PRKCI: variants seen among roughly 807,000 people sequenced by gnomAD.
The protein encoded by PRKCI is protein kinase C iota type.
PRKCI carries 43 observed loss-of-function variants against 84.0 expected under a neutral mutation model. That is an observed-to-expected ratio of 0.51 (90% CI 0.40 to 0.66). PRKCI has a LOEUF of 0.66. Among genes scored for constraint, PRKCI ranks in the 30% least tolerant of loss-of-function variants. The pLI is 0.00. For missense variants in PRKCI, 459 were observed against 745.6 expected (o/e 0.62, Z 4.48); for synonymous variants, 216 against 234.4 (o/e 0.92, Z 0.72).
At chr3:170,257,382 G>A (rs1733609851) in intron 2 of PRKCI, among the ~76,000 whole-genome samples, 1 of 152,196 alleles carries the variant, frequency 6.6e-6, no homozygotes, top group Non-Finnish European at 1.5e-5. Context: ...TTTTGGTGGA[G>A]TGTTTGGGCT....
intron 13 of PRKCI, 112 bp downstream of exon 13, chr3:170,292,053 A>C (rs1734565912): frequency 1.3e-6 from 1 of 774,020 alleles, no homozygotes; most frequent in African/African-American, 1.7e-5. Flanking sequence ...TATTAATATA[A>C]GGATTCTTGA....
intron 8 of PRKCI, among the ~76,000 whole-genome samples, chr3:170,275,789 C>G (rs905558101): frequency 6.6e-6 from 1 of 152,202 alleles, no homozygotes; most frequent in East Asian, 1.9e-4. Flanking sequence ...ACCTTCCACT[C>G]CCAGTTTGGC....
At chr3:170,285,563 T>A (rs150939731) in intron 12 of PRKCI, among the ~76,000 whole-genome samples, 1 of 152,246 alleles carries the variant, frequency 6.6e-6, no homozygotes, top group Non-Finnish European at 1.5e-5. Context: ...GGGAAGTGCC[T>A]CCAGAGCCTG....
At chr3:170,262,748 A>G (rs111811841) in intron 3 of PRKCI, among the ~76,000 whole-genome samples, 12,322 of 151,664 alleles carry the variant, frequency 0.081, 1,201 homozygotes, top group African/African-American at 0.23. Flanking sequence ...CAGAGTGCTG[A>G]GATTAGAGGC....
In PRKCI at chr3:170,284,449, A is replaced by T. The variant is rs1353008657; in HGVS notation, c.1068-12A>T. On this transcript the variant is annotated splice_polypyrimidine_tract_variant and intron_variant, in intron 11 of 17. Transcript: ENST00000295797. ...GGTTGAATCAAATGACTTATTTTTTATTTAATTTTAGATTTTACTCTGCAG... is the reference window on the plus strand; with the variant it reads ...GGTTGAATCAAATGACTTATTTTTTTTTTAATTTTAGATTTTACTCTGCAG... 1.3e-6 allele frequency: 2 copies of T among 1,536,396 alleles called. No homozygotes were observed. The highest frequency in any genetic ancestry group is 2.4e-4 in the Middle Eastern group (1 of 4,250).
At chr3:170,291,708 A>G in intron 12 of PRKCI, 146 bp from the exon 13 acceptor site, 1 of 616,212 alleles carries the variant, frequency 1.6e-6, no homozygotes, top group South Asian at 2.0e-5. Context: ...AATAATAATA[A>G]TAATAAAGGC....
intron 12 of PRKCI, among the ~76,000 whole-genome samples, chr3:170,288,780 A>C (rs1422727238): frequency 6.6e-6 from 1 of 152,236 alleles, no homozygotes; most frequent in Non-Finnish European, 1.5e-5. Flanking sequence ...ATAAAATAAA[A>C]TAAAAAATAA....
At chr3:170,293,258 A>G (rs1251936401) in intron 13 of PRKCI, 125 bp from the exon 14 acceptor site, 10 of 797,538 alleles carry the variant, frequency 1.3e-5, no homozygotes, top group East Asian at 8.4e-5. Flanking sequence ...CTACCATGAT[A>G]GTTGGAATGC....
intron 12 of PRKCI, among the ~76,000 whole-genome samples, chr3:170,287,908 CAAAAAAAA>C (rs750366555): frequency 5.9e-5 from 3 of 50,548 alleles, no homozygotes; most frequent in Middle Eastern, 9.3e-3. Context: ...GACTCTGTCT[CAAAAAAAA>C]AAAAAAAAAA....
intron 2 of PRKCI, among the ~76,000 whole-genome samples, chr3:170,242,790 C>T (rs1447567558): frequency 6.6e-6 from 1 of 151,978 alleles, no homozygotes; most frequent in Non-Finnish European, 1.5e-5. Flanking sequence ...CCTGCCTCAA[C>T]CTCCCGAGTA....
At chr3:170,291,697 A>T (rs749931879) in intron 12 of PRKCI, 157 bp from the exon 13 acceptor site, 21 of 589,116 alleles carry the variant, frequency 3.6e-5, no homozygotes, top group Non-Finnish European at 5.8e-5. Context: ...ACCCTGTCAA[A>T]AATAATAATA....
chr3:170,298,438 T>G (rs1734739672), intron 16 of PRKCI, among the ~76,000 whole-genome samples: 1 of 149,534 alleles, frequency 6.7e-6, no homozygotes, highest in South Asian at 2.1e-4. Context: ...GGTGTCTTGC[T>G]CTGTCTCCCA....
intron 1 of PRKCI, among the ~76,000 whole-genome samples, chr3:170,228,815 A>G (rs1732707426): frequency 6.6e-6 from 1 of 152,152 alleles, no homozygotes; most frequent in Non-Finnish European, 1.5e-5. Context: ...TCACCGGAAC[A>G]GTAAACAGTA....
At chr3:170,234,906 C>T (rs551852204) in intron 1 of PRKCI, among the ~76,000 whole-genome samples, 3 of 151,828 alleles carry the variant, frequency 2.0e-5, no homozygotes, top group Admixed American at 6.6e-5. Context: ...ATGTTCCCCC[C>T]CTGAGAAGGA....
intron 8 of PRKCI, among the ~76,000 whole-genome samples, chr3:170,279,735 C>A (rs530822559): frequency 6.6e-6 from 1 of 152,182 alleles, no homozygotes; most frequent in Non-Finnish European, 1.5e-5. Flanking sequence ...AGCTTACATT[C>A]TATGTATCAA....
Position 170,304,955 on chromosome 3 carries a change from T to G in PRKCI, c.*1828T>G, listed in dbSNP as rs1456196701. 2 of 152,214 alleles carry G rather than the reference T, an allele frequency of 1.3e-5. No individual in the cohort carries two copies. Among genetic ancestry groups the G allele is most frequent in the Non-Finnish European group, 2.9e-5 (2 of 68,042 alleles). 9.4% of individuals were successfully genotyped at this position (152,214 alleles called of 1,614,324 possible). ...GGAAATGTCATTTTTCCAAAGTTTC[T>G]AGCTATATACTCTCTTTCCTTCAAA... On this transcript the variant is annotated 3_prime_UTR_variant, in exon 18 of 18. Coordinates refer to ENST00000295797, the MANE Select transcript of PRKCI (RefSeq NM_002740.6).
intron 4 of PRKCI, among the ~76,000 whole-genome samples, chr3:170,263,658 A>G (rs780474021): frequency 3.9e-5 from 6 of 152,114 alleles, no homozygotes; most frequent in Non-Finnish European, 8.8e-5. Context: ...CAAAAAAATT[A>G]GCATGGTGTG....
At chr3:170,286,245 A>G (rs1046812320) in intron 12 of PRKCI, among the ~76,000 whole-genome samples, 1 of 152,058 alleles carries the variant, frequency 6.6e-6, no homozygotes, top group African/African-American at 2.4e-5. Context: ...TTTATATTAT[A>G]CAAGTTTTCA....
At chr3:170,247,780 A>G (rs1733326935) in intron 2 of PRKCI, among the ~76,000 whole-genome samples, 1 of 148,956 alleles carries the variant, frequency 6.7e-6, no homozygotes, top group Admixed American at 6.8e-5. Context: ...GAGCGGCTTC[A>G]TGGGATGGCA....
Sources: gnomAD v4.1 joint callset for allele counts (sites outside exome capture counted in the v4.1 genomes callset) on GRCh38, gnomAD v4.1.1 for gene constraint, MANE v1.5 for transcripts, NCBI Gene and HGNC (gene_info 2026-07-23, HGNC 2026-07-21) for gene names.